The following SLC22A3 variants were observed in gnomAD, a reference collection of about 807,000 sequenced individuals.
SLC22A3 encodes EMT organic cation transporter 3.
In SLC22A3, 51 loss-of-function variants were observed where a neutral mutation model predicts 59.1. The ratio of observed to expected loss-of-function variants is 0.86; its 90% confidence interval spans 0.69 to 1.09. SLC22A3 has a LOEUF of 1.09. SLC22A3 is among the 50% of genes least tolerant of loss of function. The pLI, the probability that SLC22A3 is intolerant of heterozygous loss-of-function variation, is 0.00. For synonymous variants in SLC22A3, 325 were observed against 292.0 expected (o/e 1.11, Z -1.15); for missense variants, 711 against 726.3 (o/e 0.98, Z 0.24).
intron 5 of SLC22A3, among the ~76,000 whole-genome samples, chr6:160,423,372 G>A (rs573878248): frequency 2.6e-5 from 4 of 152,286 alleles, no homozygotes; most frequent in Admixed American, 2.6e-4. Flanking sequence ...GGGTCAAATG[G>A]TATTTCTAGT....
intron 5 of SLC22A3, among the ~76,000 whole-genome samples, chr6:160,417,438 CAGAG>C (rs1465278834): frequency 6.6e-6 from 1 of 152,180 alleles, no homozygotes; most frequent in East Asian, 1.9e-4. Context: ...GCATGTACTA[CAGAG>C]ATTTGGGGGT....
chr6:160,368,060 T>C (rs925022623), intron 1 of SLC22A3, among the ~76,000 whole-genome samples: 5 of 152,204 alleles, frequency 3.3e-5, no homozygotes, highest in Non-Finnish European at 7.4e-5. Flanking sequence ...TGTCCTGATA[T>C]TGCCTGATAG....
chr6:160,413,928 T>C (rs1429680944), intron 5 of SLC22A3, among the ~76,000 whole-genome samples: 1 of 152,202 alleles, frequency 6.6e-6, no homozygotes, highest in Non-Finnish European at 1.5e-5. Context: ...ATTTAATTCA[T>C]AGGTTCCTGC....
At chr6:160,443,007 G>T in intron 8 of SLC22A3, 138 bp downstream of exon 8, 1 of 720,002 alleles carries the variant, frequency 1.4e-6, no homozygotes. Flanking sequence ...TAGTAAAGAA[G>T]ATATGCTTTG....
At chr6:160,406,131 C>T (rs1787004392) in intron 2 of SLC22A3, among the ~76,000 whole-genome samples, 1 of 152,088 alleles carries the variant, frequency 6.6e-6, no homozygotes, top group African/African-American at 2.4e-5. Flanking sequence ...GTGTACCACT[C>T]CCATGGGGAA....
chr6:160,397,359 C>T lies in SLC22A3; in HGVS notation c.430-620C>T, dbSNP rs144125118. On this transcript the variant is annotated intron_variant, in intron 1 of 10. Coordinates refer to ENST00000275300, the MANE Select transcript of SLC22A3 (RefSeq NM_021977.4). ...CCACTACTGCTCACCTCCTTCTGTG[C>T]GGTCTGGTTCCTAACAGGCCACAAA... Among the ~76,000 whole-genome samples the T allele has an allele frequency of 1.6e-3, 246 of 151,984 alleles. 2 individuals carry two copies. In the Middle Eastern group the frequency reaches 0.02, roughly 13 times the overall value.
intron 1 of SLC22A3, among the ~76,000 whole-genome samples, chr6:160,354,249 A>G (rs957666838): frequency 6.9e-4 from 105 of 152,226 alleles, no homozygotes; most frequent in Non-Finnish European, 1.6e-4. Flanking sequence ...CAGCTCCTCT[A>G]TTAACTTGAA....
intron 7 of SLC22A3, among the ~76,000 whole-genome samples, chr6:160,438,578 GAACA>G (rs935745925): frequency 1.0e-5 from 1 of 99,494 alleles, no homozygotes; most frequent in African/African-American, 4.7e-5. Flanking sequence ...CCAATATTCG[GAACA>G]CACACACACA....
rs182410411 is a variant in SLC22A3 at position 160,431,383 on chromosome 6, T to C, written c.976-5397T>C. Reference sequence around the variant, plus strand: ...TCAAGGCCTTTGGATGCCTAGAAAGTGGGTCATCTTTCAGAATATCTGCGT... The same window carrying C: ...TCAAGGCCTTTGGATGCCTAGAAAGCGGGTCATCTTTCAGAATATCTGCGT... On this transcript the variant is annotated intron_variant, in intron 5 of 10. Coordinates refer to ENST00000275300, the MANE Select transcript of SLC22A3 (RefSeq NM_021977.4). Among the ~76,000 whole-genome samples, 482 of 152,266 alleles carry C rather than the reference T, an allele frequency of 3.2e-3. 3 individuals are homozygous for C. The highest frequency in any genetic ancestry group is 5.9e-3 in the Non-Finnish European group (399 of 68,016).
intron 5 of SLC22A3, among the ~76,000 whole-genome samples, chr6:160,417,769 C>T (rs995149659): frequency 1.3e-5 from 2 of 152,116 alleles, no homozygotes; most frequent in Non-Finnish European, 2.9e-5. Context: ...GCAATAGAAG[C>T]TTGAAATGTG....
chr6:160,449,235 T>C (rs1788860452), intron 10 of SLC22A3, among the ~76,000 whole-genome samples: 1 of 152,152 alleles, frequency 6.6e-6, no homozygotes, highest in Admixed American at 6.5e-5. Flanking sequence ...TTTGTTTGTT[T>C]TTGGCTTGGG....
At chr6:160,412,408 C>A (rs752455757) in intron 5 of SLC22A3, among the ~76,000 whole-genome samples, 3 of 152,128 alleles carry the variant, frequency 2.0e-5, no homozygotes, top group Admixed American at 1.3e-4. Context: ...CTCCCCAGCC[C>A]TTGAAGCTTG....
chr6:160,373,434 T>C (rs950485994), intron 1 of SLC22A3, among the ~76,000 whole-genome samples: 7 of 152,160 alleles, frequency 4.6e-5, no homozygotes, highest in Admixed American at 3.9e-4. Flanking sequence ...TTGTATGAGG[T>C]GTTTGTCAAC....
At chr6:160,363,050 C>T (rs530705987) in intron 1 of SLC22A3, among the ~76,000 whole-genome samples, 1 of 152,348 alleles carries the variant, frequency 6.6e-6, no homozygotes, top group Admixed American at 6.5e-5. Flanking sequence ...GGGACTCGGG[C>T]AGCTATTTCA....
At chr6:160,366,500 C>T (rs1017424051) in intron 1 of SLC22A3, among the ~76,000 whole-genome samples, 8 of 152,284 alleles carry the variant, frequency 5.3e-5, no homozygotes, top group South Asian at 2.1e-4. Context: ...TCTAGGCACA[C>T]GGTGCAAGCT....
chr6:160,360,300 A>C (rs1368985954), intron 1 of SLC22A3, among the ~76,000 whole-genome samples: 4 of 152,134 alleles, frequency 2.6e-5, no homozygotes, highest in Non-Finnish European at 4.4e-5. Context: ...TCTACTAAAT[A>C]TACAAAAATT....
intron 1 of SLC22A3, among the ~76,000 whole-genome samples, chr6:160,382,744 A>T (rs1785843751): frequency 6.6e-6 from 1 of 152,196 alleles, no homozygotes. Context: ...GTAGTCAAAG[A>T]CTTCAAAGCA....
chr6:160,408,797 G>A lies in SLC22A3; in HGVS notation c.733G>A (p.Val245Met), dbSNP rs368056298. Residue 245 changes from valine (V) to methionine (M), a missense_variant, in exon 4 of 11, where the codon GTG becomes ATG. Coordinates refer to ENST00000275300, the MANE Select transcript of SLC22A3 (RefSeq NM_021977.4). ...GAAACAAAGGAGGATTGTGGGAATC[G>A]TGATTCAAATGTTCTTTACCCTTGG... ...GSKQRRIVGI[V>M]IQMFFTLGII... is the part of the protein sequence containing the mutation. 3.2e-5 allele frequency: 51 copies of A among 1,613,576 alleles called. 1 individual carries two copies. Among genetic ancestry groups the A allele is most frequent in the South Asian group, 2.0e-4 (18 of 91,080 alleles).
At chr6:160,372,448 C>A (rs1393571481) in intron 1 of SLC22A3, among the ~76,000 whole-genome samples, 1 of 152,128 alleles carries the variant, frequency 6.6e-6, no homozygotes. Context: ...TTCATTTCAA[C>A]CTTGGTGAAT....
Sources: gnomAD v4.1 joint callset for allele counts (sites outside exome capture counted in the v4.1 genomes callset) on GRCh38, gnomAD v4.1.1 for gene constraint, MANE v1.5 for transcripts, NCBI Gene and HGNC (gene_info 2026-07-23, HGNC 2026-07-21) for gene names.